The following CDS2 variants were observed in gnomAD, a reference collection of about 807,000 sequenced individuals.
CDS2 encodes phosphatidate cytidylyltransferase 2.
Under a neutral mutation model 59.0 loss-of-function variants are expected in CDS2, and 47 were observed. That is an observed-to-expected ratio of 0.80 (90% CI 0.63 to 1.02). The LOEUF is 1.02. Among genes scored for constraint, CDS2 ranks in the 50% least tolerant of loss-of-function variants. The probability of loss-of-function intolerance (pLI) is 0.00; values close to 1 mark genes in which losing one functional copy is unlikely to be tolerated. For missense variants in CDS2, 356 were observed against 558.9 expected, an observed-to-expected ratio of 0.64 and a Z score of 3.66; for synonymous variants, 207 against 206.4, an observed-to-expected ratio of 1.00 and a Z score of -0.02.
chr20:5,171,629 C>T (rs2090956885), intron 1 of CDS2, among the ~76,000 whole-genome samples: 1 of 152,156 alleles, frequency 6.6e-6, no homozygotes, highest in African/African-American at 2.4e-5. Context: ...ATTTAGTCTC[C>T]CTGGAGAGGG....
intron 1 of CDS2, among the ~76,000 whole-genome samples, chr20:5,129,343 C>T (rs1286330959): frequency 1.3e-5 from 2 of 151,760 alleles, no homozygotes; most frequent in African/African-American, 4.8e-5. Context: ...GTGGCACGAT[C>T]TCAGCTCACT....
chr20:5,168,995 A>G (rs1315339514), intron 1 of CDS2, among the ~76,000 whole-genome samples: 3 of 152,324 alleles, frequency 2.0e-5, no homozygotes, highest in East Asian at 3.9e-4. Flanking sequence ...GGTACACAGG[A>G]CACTCCATGT....
intron 1 of CDS2, among the ~76,000 whole-genome samples, chr20:5,145,292 G>T (rs1417234212): frequency 7.9e-6 from 1 of 125,882 alleles, no homozygotes; most frequent in Admixed American, 1.1e-4. Context: ...CCATTCTAGC[G>T]CTCAATATTC....
chr20:5,188,915 A>C, intron 10 of CDS2, 152 bp from the exon 11 acceptor site: 1 of 826,458 alleles, frequency 1.2e-6, no homozygotes, highest in Non-Finnish European at 2.0e-6. Flanking sequence ...GCCATTCATG[A>C]GGGATTTGCC....
chr20:5,143,416 C>G (rs963162137), intron 1 of CDS2, among the ~76,000 whole-genome samples: 1 of 152,104 alleles, frequency 6.6e-6, no homozygotes, highest in Admixed American at 6.5e-5. Context: ...ACTTTGTGAC[C>G]AAGCAGTTCC....
intron 1 of CDS2, among the ~76,000 whole-genome samples, chr20:5,169,218 C>T (rs1453974036): frequency 1.3e-5 from 2 of 152,160 alleles, no homozygotes; most frequent in African/African-American, 4.8e-5. Flanking sequence ...GGCCTCTGTT[C>T]CCGGCCCTCG....
rs746119214 is a variant in CDS2, at chr20:5,127,161, G to T, written c.57+12G>T. The T allele has an allele frequency of 1.5e-4, 227 of 1,486,762 alleles. No homozygotes were observed. The highest frequency in any genetic ancestry group is 3.5e-4 in the Admixed American group (15 of 42,708). The allele number at this position is 1,486,762 out of a possible 1,614,324, so 92.1% of individuals were successfully genotyped here. On this transcript the variant is annotated intron_variant, in intron 1 of 12. Coordinates refer to ENST00000460006, the MANE Select transcript of CDS2 (RefSeq NM_003818.4). Reference sequence around the variant, plus strand: ...CACCCGAGGACAAGGTAGCGGCAGCGTCGGGGTGGGCGCGGCCGGGACAGC... The same window carrying T: ...CACCCGAGGACAAGGTAGCGGCAGCTTCGGGGTGGGCGCGGCCGGGACAGC...
At chr20:5,161,026 T>C (rs926992468) in intron 1 of CDS2, among the ~76,000 whole-genome samples, 3 of 152,240 alleles carry the variant, frequency 2.0e-5, no homozygotes, top group Non-Finnish European at 2.9e-5. Context: ...TGTACAAATA[T>C]CTCTTTGAGT....
chr20:5,136,332 T>TTCA (rs2090649840), intron 1 of CDS2, among the ~76,000 whole-genome samples: 1 of 152,218 alleles, frequency 6.6e-6, no homozygotes, highest in Admixed American at 6.5e-5. Flanking sequence ...ATGACTCGGT[T>TTCA]ACTCAGGCTT....
intron 1 of CDS2, among the ~76,000 whole-genome samples, chr20:5,157,451 T>C (rs1398315900): frequency 3.3e-5 from 5 of 152,042 alleles, no homozygotes; most frequent in Non-Finnish European, 4.4e-5. Context: ...GAGGAGTTGA[T>C]TGGCATAGGA....
At chr20:5,162,107 T>C (rs977983342) in intron 1 of CDS2, among the ~76,000 whole-genome samples, 32 of 152,134 alleles carry the variant, frequency 2.1e-4, no homozygotes, top group African/African-American at 7.2e-4. Context: ...TACCATGAAA[T>C]AGTTTATGGA....
At chr20:5,146,254 GA>G (rs1250959398) in intron 1 of CDS2, among the ~76,000 whole-genome samples, 1 of 152,156 alleles carries the variant, frequency 6.6e-6, no homozygotes, top group Non-Finnish European at 1.5e-5. Flanking sequence ...TGACACTTGT[GA>G]ATTCTGGGCT....
intron 1 of CDS2, among the ~76,000 whole-genome samples, chr20:5,158,085 A>C (rs374358435): frequency 2.0e-5 from 3 of 149,522 alleles, no homozygotes; most frequent in East Asian, 3.9e-4. Flanking sequence ...GTGTTAGTGT[A>C]TTTTATATGT....
At chr20:5,149,190 G>A (rs937381242) in intron 1 of CDS2, among the ~76,000 whole-genome samples, 7 of 151,898 alleles carry the variant, frequency 4.6e-5, no homozygotes, top group African/African-American at 1.7e-4. Context: ...TCCAAACCTG[G>A]CCCATCAACC....
Position 5,173,649 on chromosome 20 carries a change from T to G in CDS2, c.184T>G (p.Leu62Val). Reference protein sequence around the residue: ...PEVLNRALSNLSSRWKNWWVR... With the variant: ...PEVLNRALSNVSSRWKNWWVR... Reference sequence around the variant, plus strand: ...GGTCCTCAATAGGGCCCTTTCCAACTTGTCTTCAAGGTAACCTGGCTTAAT... The same window carrying G: ...GGTCCTCAATAGGGCCCTTTCCAACGTGTCTTCAAGGTAACCTGGCTTAAT... The change falls in exon 2 of 13, where the codon TTG becomes GTG. Residue 62 changes from leucine to valine, a missense_variant. Leu to Val is a conservative substitution (Grantham distance 32). Coordinates refer to ENST00000460006, the MANE Select transcript of CDS2 (RefSeq NM_003818.4). The G allele has an allele frequency of 1.2e-6, 2 of 1,614,098 alleles. No homozygotes were observed. The highest frequency in any genetic ancestry group is 1.7e-6 in the Non-Finnish European group (2 of 1,179,946).
intron 6 of CDS2, 133 bp downstream of exon 6, chr20:5,182,578 C>T (rs1010679601): frequency 6.9e-6 from 5 of 721,868 alleles, no homozygotes; most frequent in African/African-American, 1.8e-5. Flanking sequence ...GCATCTAGAG[C>T]ATGAAGGAAG....
chr20:5,176,820 G>A (rs1018929706), intron 4 of CDS2, 75 bp downstream of exon 4: 131 of 1,013,410 alleles, frequency 1.3e-4, no homozygotes, highest in Admixed American at 2.4e-4. Flanking sequence ...CAGTGACGGT[G>A]GGTATTTCTA....
At chr20:5,152,738 G>GTC (rs1373548160) in intron 1 of CDS2, among the ~76,000 whole-genome samples, 1 of 152,186 alleles carries the variant, frequency 6.6e-6, no homozygotes, top group Non-Finnish European at 1.5e-5. Context: ...GTGAGACTCT[G>GTC]TCTCTCACAC....
intron 1 of CDS2, among the ~76,000 whole-genome samples, chr20:5,144,264 CTG>C (rs1397564984): frequency 6.6e-6 from 1 of 152,094 alleles, no homozygotes; most frequent in Non-Finnish European, 1.5e-5. Flanking sequence ...CTTTAATGAA[CTG>C]TATTATCAAG....
Sources: gnomAD v4.1 joint callset for allele counts (sites outside exome capture counted in the v4.1 genomes callset) on GRCh38, gnomAD v4.1.1 for gene constraint, MANE v1.5 for transcripts, NCBI Gene and HGNC (gene_info 2026-07-23, HGNC 2026-07-21) for gene names.